The following CDYL variants were observed in gnomAD, a reference collection of about 807,000 sequenced individuals.
The protein encoded by CDYL is chromodomain Y like.
In CDYL, 8 loss-of-function variants were observed where a neutral mutation model predicts 47.3. That is an observed-to-expected ratio of 0.17 (90% CI 0.10 to 0.31). CDYL has a LOEUF of 0.31. Ranked by LOEUF, CDYL falls within the 10% of genes least tolerant of loss-of-function variation. The pLI is 1.00. For synonymous variants in CDYL, 266 were observed against 265.0 expected (o/e 1.00, Z -0.04); for missense variants, 471 against 701.4 (o/e 0.67, Z 3.71).
At chr6:4,830,999 A>G (rs1020500696) in intron 1 of CDYL, among the ~76,000 whole-genome samples, 29 of 152,066 alleles carry the variant, frequency 1.9e-4, no homozygotes, top group Non-Finnish European at 2.6e-4. Context: ...AATCCAGTCT[A>G]TCATTGTTGG....
upstream of CDYL, among the ~76,000 whole-genome samples, chr6:4,776,256 C>T (rs1470789509): frequency 2.8e-5 from 4 of 144,040 alleles, 1 homozygote; most frequent in South Asian, 2.1e-4. Flanking sequence ...CGGCCCCGAG[C>T]GGAGCCCACT....
At chr6:4,725,848 C>T (rs1225570149) in intron 2 of CDYL, among the ~76,000 whole-genome samples, 3 of 152,250 alleles carry the variant, frequency 2.0e-5, no homozygotes, top group Admixed American at 1.3e-4. Flanking sequence ...GAACAAACTC[C>T]GGACACGCTG....
chr6:4,789,903 C>T (rs1292817344), intron 1 of CDYL, among the ~76,000 whole-genome samples: 1 of 152,200 alleles, frequency 6.6e-6, no homozygotes, highest in Non-Finnish European at 1.5e-5. Flanking sequence ...TCCTGTTCCT[C>T]TAAAACAAAT....
intron 3 of CDYL, among the ~76,000 whole-genome samples, chr6:4,770,165 G>A (rs1758318000): frequency 2.0e-5 from 3 of 151,978 alleles, no homozygotes; most frequent in African/African-American, 7.2e-5. Context: ...ACAACTTAAT[G>A]TCTATCTATC....
intron 2 of CDYL, among the ~76,000 whole-genome samples, chr6:4,934,148 G>A (rs1212175529): frequency 6.6e-6 from 1 of 152,076 alleles, no homozygotes; most frequent in African/African-American, 2.4e-5. Context: ...CTGTATTGAT[G>A]TTTTCTTGTA....
intron 1 of CDYL, among the ~76,000 whole-genome samples, chr6:4,807,295 A>G (rs1292674095): frequency 1.3e-5 from 2 of 152,198 alleles, no homozygotes; most frequent in African/African-American, 4.8e-5. Context: ...ATTACTGGTG[A>G]TATTAACTGT....
At chr6:4,786,538 T>A (rs1427509169) in intron 1 of CDYL, among the ~76,000 whole-genome samples, 1 of 152,264 alleles carries the variant, frequency 6.6e-6, no homozygotes, top group Non-Finnish European at 1.5e-5. Context: ...TTTGTTTTAG[T>A]AATTGTTTTT....
In CDYL at chr6:4,951,373, G is replaced by A. The variant is rs142940205; in HGVS notation, c.1333-893G>A. Among the ~76,000 whole-genome samples the A allele has an allele frequency of 6.2e-3, 937 of 152,010 alleles. 8 individuals carry two copies. Among genetic ancestry groups the A allele is most frequent in the African/African-American group, 0.021 (875 of 41,436 alleles). The stretch of plus-strand genomic sequence containing the variant: ...TGTGCACCCCTTCCCGCCTTATCTC[G>A]GCATCTGTGAGCCTGTCATTTGAAT... On this transcript the variant is annotated intron_variant, in intron 5 of 6. Transcript: ENST00000397588.
chr6:4,827,667 C>CT (rs1285898066), intron 1 of CDYL, among the ~76,000 whole-genome samples: 1 of 151,416 alleles, frequency 6.6e-6, no homozygotes, highest in African/African-American at 2.4e-5. Context: ...CCTTTTTTTT[C>CT]TTTTTTGAGA....
At chr6:4,848,829 C>T (rs932421379) in intron 1 of CDYL, among the ~76,000 whole-genome samples, 1 of 152,018 alleles carries the variant, frequency 6.6e-6, no homozygotes, top group African/African-American at 2.4e-5. Flanking sequence ...CCTGGTGGGA[C>T]ACCTGCTGGC....
At chr6:4,768,043 C>T (rs1388793826) in intron 3 of CDYL, among the ~76,000 whole-genome samples, 1 of 152,188 alleles carries the variant, frequency 6.6e-6, no homozygotes, top group African/African-American at 2.4e-5. Context: ...CTCTCCATCC[C>T]ATCTTATGTC....
chr6:4,767,409 C>T (rs1758272192), intron 3 of CDYL, among the ~76,000 whole-genome samples: 1 of 152,064 alleles, frequency 6.6e-6, no homozygotes, highest in Admixed American at 6.6e-5. Flanking sequence ...CCCATCACTA[C>T]CAGAAATACA....
chr6:4,860,298 A>G (rs1761127400), intron 1 of CDYL, among the ~76,000 whole-genome samples: 1 of 151,914 alleles, frequency 6.6e-6, no homozygotes, highest in South Asian at 2.1e-4. Flanking sequence ...TGTGTAATGC[A>G]TATGATTGTT....
chr6:4,948,202 G>C (rs529088611), intron 5 of CDYL, among the ~76,000 whole-genome samples: 23 of 152,330 alleles, frequency 1.5e-4, no homozygotes, highest in Admixed American at 1.5e-3. Flanking sequence ...CTGAGGTTCT[G>C]ACCCCTCCCA....
At chr6:4,817,354 T>G (rs1759703845) in intron 1 of CDYL, among the ~76,000 whole-genome samples, 1 of 145,620 alleles carries the variant, frequency 6.9e-6, no homozygotes, top group Non-Finnish European at 1.5e-5. Context: ...TTTAAGAGAA[T>G]TAAAAAAAAA....
rs552558524 is a variant in CDYL at position 4,852,514 on chromosome 6, A to G, written c.25-39199A>G. 3.8e-4 allele frequency among the ~76,000 whole-genome samples: 17 copies of G among 44,934 alleles called. 1 individual carries two copies. Among genetic ancestry groups the G allele is most frequent in the African/African-American group, 2.3e-3 (15 of 6,586 alleles). The allele number at this position is 44,934 out of a possible 152,430, so 29.5% of individuals were successfully genotyped here. ...TTCCAATCTTCCTTCCTTCCTTCCA[A>G]TCTTCCTTCCTTCCTTCCAATCTTC... On this transcript the variant is annotated intron_variant, in intron 1 of 6. Transcript: ENST00000397588.
At chr6:4,883,461 G>A (rs1469174901) in intron 1 of CDYL, among the ~76,000 whole-genome samples, 1 of 152,168 alleles carries the variant, frequency 6.6e-6, no homozygotes, top group African/African-American at 2.4e-5. Flanking sequence ...AGGGGATGGT[G>A]CCAGCGCCTG....
chr6:4,894,459 AAG>A (rs1482183869), intron 2 of CDYL, among the ~76,000 whole-genome samples: 3 of 152,216 alleles, frequency 2.0e-5, no homozygotes, highest in Non-Finnish European at 4.4e-5. Flanking sequence ...ATTTTGGAAA[AAG>A]AAAAAAATCG....
intron 1 of CDYL, among the ~76,000 whole-genome samples, chr6:4,781,339 A>G (rs1188672030): frequency 6.6e-6 from 1 of 152,234 alleles, no homozygotes; most frequent in Admixed American, 6.5e-5. Flanking sequence ...TGGAAGTCAC[A>G]GAGACCAGGA....
Sources: allele counts gnomAD v4.1 joint callset (sites outside exome capture counted in the v4.1 genomes callset), GRCh38; gene constraint gnomAD v4.1.1; transcripts MANE v1.5; gene names NCBI Gene and HGNC (gene_info 2026-07-23, HGNC 2026-07-21).